ADRA1A: variants seen among roughly 807,000 people sequenced by gnomAD.
ADRA1A encodes adrenoceptor alpha 1A.
In ADRA1A, 31 loss-of-function variants were observed where a neutral mutation model predicts 29.6. That is an observed-to-expected ratio of 1.05 (90% CI 0.79 to 1.41). The LOEUF (loss-of-function observed/expected upper bound fraction) is 1.41. Ranked by LOEUF, ADRA1A falls within the 40% of genes most tolerant of loss-of-function variation. The probability of loss-of-function intolerance (pLI) is 0.00; values close to 1 mark genes in which losing one functional copy is unlikely to be tolerated. For missense variants in ADRA1A, 619 were observed against 601.1 expected, an observed-to-expected ratio of 1.03 and a Z score of -0.31; for synonymous variants, 311 against 254.3, an observed-to-expected ratio of 1.22 and a Z score of -2.12.
At chr8:26,827,731 A>G (rs1269309167) in intron 2 of ADRA1A, among the ~76,000 whole-genome samples, 1 of 151,990 alleles carries the variant, frequency 6.6e-6, no homozygotes. Context: ...CCCAAACATC[A>G]GCGCTCTGCC....
intron 2 of ADRA1A, among the ~76,000 whole-genome samples, chr8:26,774,679 A>AG (rs1187021170): frequency 1.3e-5 from 2 of 151,988 alleles, no homozygotes; most frequent in African/African-American, 2.4e-5. Context: ...AAAAAAAAAA[A>AG]AAAGGACAGC....
chr8:26,840,608 C>T (rs1165985221), intron 2 of ADRA1A, among the ~76,000 whole-genome samples: 9 of 149,844 alleles, frequency 6.0e-5, no homozygotes, highest in South Asian at 2.1e-4. Context: ...TTTTTCTTGC[C>T]CTGTGGAATT....
rs1285272027 is a variant in ADRA1A, at chr8:26,769,303, T to G, written c.*846A>C. On this transcript the variant is annotated 3_prime_UTR_variant, in exon 3 of 3. Coordinates refer to ENST00000380573, the MANE Select transcript of ADRA1A (RefSeq NM_000680.4). The stretch of plus-strand genomic sequence containing the variant: ...GAAATTAACAGCCACACCAACCTCT[T>G]GCTCTTTAAAGATATTAGAGAGAAA... 3.0e-6 allele frequency: 3 copies of G among 985,412 alleles called. No individual in the cohort carries two copies. The highest frequency in any genetic ancestry group is 1.7e-5 in the African/African-American group (1 of 57,370). The allele number at this position is 985,412 out of a possible 1,614,324, so 61.0% of individuals were successfully genotyped here. A position where few individuals can be genotyped will look rare whatever the true frequency, so the allele number is the denominator to read the frequency against.
rs57214737 is a variant in ADRA1A, at chr8:26,778,215, G to A, written c.884-7549C>T. ...CCAAATGCATGATTTGGACCCCAAC[G>A]CCCATAAGAACGCTGGAAAGAGTAA... is the stretch of plus-strand genomic sequence containing the variant. On this transcript the variant is annotated intron_variant, in intron 2 of 2. Coordinates refer to ENST00000380573, the MANE Select transcript of ADRA1A (RefSeq NM_000680.4). Among the ~76,000 whole-genome samples, 9 of 152,162 alleles carry A rather than the reference G, an allele frequency of 5.9e-5. No individual in the cohort carries two copies. The East Asian group carries it at 7.7e-4, about 13-fold the overall frequency.
intron 2 of ADRA1A, 139 bp downstream of exon 2, chr8:26,863,948 C>A (rs117194502): frequency 1.2e-6 from 1 of 846,106 alleles, no homozygotes; most frequent in African/African-American, 1.7e-5. Flanking sequence ...TACAAGGGAG[C>A]CTTTTCTAAT....
At chr8:26,785,582 C>A (rs1466029844) in intron 2 of ADRA1A, among the ~76,000 whole-genome samples, 1 of 151,890 alleles carries the variant, frequency 6.6e-6, no homozygotes, top group East Asian at 1.9e-4. Context: ...AAATATCCTC[C>A]AATTATTTGG....
intron 2 of ADRA1A, among the ~76,000 whole-genome samples, 181 bp downstream of exon 2, chr8:26,863,906 T>C (rs1310029736): frequency 1.3e-5 from 2 of 152,244 alleles, no homozygotes; most frequent in African/African-American, 4.8e-5. Context: ...TAAATGAGAC[T>C]GGAGTAGAAA....
At chr8:26,849,682 G>A (rs558273537) in intron 2 of ADRA1A, among the ~76,000 whole-genome samples, 26 of 152,248 alleles carry the variant, frequency 1.7e-4, no homozygotes, top group Non-Finnish European at 2.1e-4. Context: ...CCCTCTATGA[G>A]GTTGAAGAAA....
intron 2 of ADRA1A, among the ~76,000 whole-genome samples, chr8:26,816,827 C>G (rs1322276297): frequency 1.3e-5 from 2 of 152,216 alleles, no homozygotes; most frequent in African/African-American, 4.8e-5. Context: ...CAGCCCCCAT[C>G]CTACAGGAGT....
intron 2 of ADRA1A, among the ~76,000 whole-genome samples, chr8:26,749,497 T>C (rs1230230376): frequency 3.3e-5 from 5 of 152,234 alleles, no homozygotes; most frequent in Non-Finnish European, 7.3e-5. Flanking sequence ...ATGCCTGGCA[T>C]GTAATAAATC....
downstream of ADRA1A, among the ~76,000 whole-genome samples, chr8:26,752,044 G>A (rs376812534): frequency 3.9e-3 from 589 of 151,832 alleles, 5 homozygotes; most frequent in African/African-American, 0.014. Flanking sequence ...CACAAAAATT[G>A]ACAAAATGCC....
intron 2 of ADRA1A, among the ~76,000 whole-genome samples, chr8:26,784,162 T>G (rs889636041): frequency 3.9e-5 from 6 of 152,130 alleles, no homozygotes; most frequent in African/African-American, 1.4e-4. Flanking sequence ...TCCTGCAACA[T>G]GTACCCCGGA....
At chr8:26,750,793 G>A in intron 2 of ADRA1A, among the ~76,000 whole-genome samples, 1 of 152,182 alleles carries the variant, frequency 6.6e-6, no homozygotes, top group South Asian at 2.1e-4. Context: ...TTGTAGGCTG[G>A]GTGCAGTGGC....
At chr8:26,832,261 C>A (rs1811036185) in intron 2 of ADRA1A, among the ~76,000 whole-genome samples, 1 of 152,294 alleles carries the variant, frequency 6.6e-6, no homozygotes, top group South Asian at 2.1e-4. Context: ...TCCCAGACGC[C>A]TGAGAAAGTG....
Position 26,769,623 on chromosome 8 carries a change from G to A in ADRA1A, c.*526C>T. On this transcript the variant is annotated 3_prime_UTR_variant, in exon 3 of 3. Transcript: ENST00000380573. ...AGAAATTGGATGTATCAGAAAGGGT[G>A]GAGTTTCAGGACTTGCTCTAAAAAT... The A allele has an allele frequency of 1.0e-6, 1 of 985,550 alleles. No individual in the cohort carries two copies. Among genetic ancestry groups the A allele is most frequent in the Non-Finnish European group, 1.2e-6 (1 of 830,062 alleles). The allele number at this position is 985,550 out of a possible 1,614,324, so 61.1% of individuals were successfully genotyped here.
At chr8:26,748,204 G>C (rs61758622) in exon 3 of ADRA1A, 3 of 152,242 alleles carry the variant, frequency 2.0e-5, no homozygotes, top group Non-Finnish European at 4.4e-5. Flanking sequence ...TGCCACAGAA[G>C]AATGTGTAGT....
intron 2 of ADRA1A, among the ~76,000 whole-genome samples, chr8:26,780,080 G>A (rs1806845591): frequency 6.6e-6 from 1 of 152,146 alleles, no homozygotes; most frequent in Admixed American, 6.5e-5. Flanking sequence ...TTTTGTTGCT[G>A]ATAAGATCAA....
At chr8:26,782,683 C>A (rs1398949198) in intron 2 of ADRA1A, among the ~76,000 whole-genome samples, 2 of 152,104 alleles carry the variant, frequency 1.3e-5, no homozygotes, top group African/African-American at 2.4e-5. Flanking sequence ...TCATTTCATA[C>A]CTTTAGTTTC....
At position 26,848,129 on chromosome 8, in the gene ADRA1A, C is replaced by T. The variant is rs955169510; in HGVS notation, c.883+15958G>A. On this transcript the variant is annotated intron_variant, in intron 2 of 2. Transcript: ENST00000380573. This position sits in a 1 kb window ranked among gnomAD's most constrained non-coding sequence, Gnocchi z 4.3. ...CCCCTTTCCTCTGTTACAGGGAAGG[C>T]AGCCAGGCAGCTCCTGCAAGATGTC... 6.6e-6 allele frequency among the ~76,000 whole-genome samples: 1 copy of T among 152,220 alleles called. No homozygotes were observed. The highest frequency in any genetic ancestry group is 2.4e-5 in the African/African-American group (1 of 41,456).
Sources: allele counts gnomAD v4.1 joint callset (sites outside exome capture counted in the v4.1 genomes callset), GRCh38; gene constraint gnomAD v4.1.1; non-coding constraint Gnocchi (gnomAD v3.1); transcripts MANE v1.5; gene names NCBI Gene and HGNC (gene_info 2026-07-23, HGNC 2026-07-21).